Variants in NOL7 observed in about 807,000 individuals in gnomAD.
NOL7 encodes the protein U3 small nucleolar RNA-associated protein NOL7.
Under a neutral mutation model 38.4 loss-of-function variants are expected in NOL7, and 36 were observed. That is an observed-to-expected ratio of 0.94 (90% CI 0.72 to 1.24). NOL7 has a LOEUF of 1.24. NOL7 is among the 50% of genes most tolerant of loss of function. The pLI is 0.00. For synonymous variants in NOL7, 142 were observed against 126.5 expected (o/e 1.12, Z -0.82); for missense variants, 350 against 315.1 (o/e 1.11, Z -0.84).
At chr6:13,627,960 C>T (rs1764666046) in intron 8 of NOL7, among the ~76,000 whole-genome samples, 1 of 152,016 alleles carries the variant, frequency 6.6e-6, no homozygotes, top group Admixed American at 6.6e-5. Context: ...GCACATGTAC[C>T]CTGGAACTTA....
chr6:13,620,857 G>T lies in NOL7; in HGVS notation c.*30G>T, dbSNP rs1348402504. On this transcript the variant is annotated 3_prime_UTR_variant, in exon 8 of 8. Transcript: ENST00000451315. ...ATGCTAAATGAAGAATCTGTACTTTGTATGTATAGAATTTATCTAATAAAT... is the reference window on the plus strand; with the variant it reads ...ATGCTAAATGAAGAATCTGTACTTTTTATGTATAGAATTTATCTAATAAAT... 2 of 1,287,496 alleles carry T rather than the reference G, an allele frequency of 1.6e-6. No individual in the cohort carries two copies. Among genetic ancestry groups the T allele is most frequent in the Non-Finnish European group, 2.2e-6 (2 of 908,756 alleles). The allele number at this position is 1,287,496 out of a possible 1,614,324, so 79.8% of individuals were successfully genotyped here.
In NOL7 at chr6:13,615,391, C is replaced by T. The variant is rs1392836229; in HGVS notation, c.33C>T (p.Ala11=). 3 of 1,527,480 alleles carry T rather than the reference C, an allele frequency of 2.0e-6. No homozygotes were observed. The highest frequency in any genetic ancestry group is 1.4e-5 in the African/African-American group (1 of 72,404). The allele number at this position is 1,527,480 out of a possible 1,614,324, so 94.6% of individuals were successfully genotyped here. MVQLRPRASR[A]PASAEAMVDE... The stretch of plus-strand genomic sequence containing the variant: ...AGCTCCGACCGCGAGCGTCTCGCGC[C>T]CCGGCGTCGGCGGAGGCGATGGTGG... The change falls in exon 1 of 8, where the codon GCC becomes GCT. Residue 11 remains alanine, a synonymous_variant. Coordinates refer to ENST00000451315, the MANE Select transcript of NOL7 (RefSeq NM_016167.5).
At chr6:13,616,027 C>A (rs961157106) in intron 2 of NOL7, among the ~76,000 whole-genome samples, 9 of 151,974 alleles carry the variant, frequency 5.9e-5, no homozygotes, top group Non-Finnish European at 1.3e-4. Context: ...CAGAGCGAGA[C>A]CCTGTCTCAA....
chr6:13,624,404 T>C (rs1764542847), downstream of NOL7, among the ~76,000 whole-genome samples: 1 of 152,158 alleles, frequency 6.6e-6, no homozygotes, highest in Non-Finnish European at 1.5e-5. Context: ...AATATGTGAC[T>C]AAAAGTCCCT....
chr6:13,627,630 C>CAAAAAAAAAAAAAAAA (rs35401168), intron 8 of NOL7, among the ~76,000 whole-genome samples: 14 of 66,400 alleles, frequency 2.1e-4, no homozygotes, highest in East Asian at 1.4e-3. Flanking sequence ...ACTCCATCTC[C>CAAAAAAAAAAAAAAAA]AAAAAAAAAA....
intron 5 of NOL7, 79 bp from the exon 6 acceptor site, chr6:13,620,129 C>T (rs1386680302): frequency 6.9e-6 from 10 of 1,442,822 alleles, no homozygotes; most frequent in Admixed American, 6.8e-5. Context: ...GGTGACAGAG[C>T]GAGACTCTGT....
chr6:13,620,724 A>ATACT lies in NOL7; in HGVS notation c.701-25_701-22dup, dbSNP rs777662381. On this transcript the variant is annotated intron_variant, in intron 7 of 7. Coordinates refer to ENST00000451315, the MANE Select transcript of NOL7 (RefSeq NM_016167.5). The stretch of plus-strand genomic sequence containing the variant: ...AAATTTTGAATTATGTTTTTCTAAT[A>ATACT]TACTTACTGCAGAAAACTTTATATT... 1.2e-5 allele frequency: 17 copies of ATACT among 1,427,290 alleles called. No homozygotes were observed. In the South Asian group the frequency reaches 1.8e-4, roughly 15 times the overall value. 88.4% of individuals were successfully genotyped at this position (1,427,290 alleles called of 1,614,324 possible). A position where few individuals can be genotyped will look rare whatever the true frequency, so the allele number is the denominator to read the frequency against.
In NOL7 at chr6:13,615,367, G is replaced by A. The variant is rs201177610; in HGVS notation, c.9G>A (p.Gln3=). The A allele has an allele frequency of 4.4e-5, 67 of 1,507,914 alleles. No individual in the cohort carries two copies. Among genetic ancestry groups the A allele is most frequent in the Non-Finnish European group, 5.2e-5 (59 of 1,131,166 alleles). The allele number at this position is 1,507,914 out of a possible 1,614,324, so 93.4% of individuals were successfully genotyped here. MV[Q]LRPRASRAPA... is the part of the protein sequence containing the mutation. ...CTAGCGCTGCGTGGGCCATGGTGCAGCTCCGACCGCGAGCGTCTCGCGCCC... is the reference window on the plus strand; with the variant it reads ...CTAGCGCTGCGTGGGCCATGGTGCAACTCCGACCGCGAGCGTCTCGCGCCC... Residue 3 remains glutamine (Q), a synonymous_variant, in exon 1 of 8, where the codon CAG becomes CAA. Transcript: ENST00000451315.
chr6:13,618,000 A>G (rs1212866883), intron 4 of NOL7, 58 bp from the exon 5 acceptor site: 3 of 1,102,546 alleles, frequency 2.7e-6, no homozygotes, highest in Non-Finnish European at 4.1e-6. Context: ...AACTCCAGTA[A>G]ATTTCCTGAT....
At chr6:13,620,136 C>T (rs1764400165) in intron 5 of NOL7, 72 bp from the exon 6 acceptor site, 1 of 1,509,152 alleles carries the variant, frequency 6.6e-7, no homozygotes, top group Non-Finnish European at 8.9e-7. Context: ...GAGCGAGACT[C>T]TGTCTCAGGA....
rs116236572 is a variant in NOL7 at position 13,617,097 on chromosome 6, C to G, written c.386+576C>G. Among the ~76,000 whole-genome samples, 512 of 152,194 alleles carry G rather than the reference C, an allele frequency of 3.4e-3. 6 individuals are homozygous for G. The highest frequency in any genetic ancestry group is 0.017 in the South Asian group (83 of 4,790). On this transcript the variant is annotated intron_variant, in intron 3 of 7. Coordinates refer to ENST00000451315, the MANE Select transcript of NOL7 (RefSeq NM_016167.5). Reference sequence around the variant, plus strand: ...AAATTCAGCCCCCTTTTGCTTAGGCCAGTGACTCTCAAGTTTTCAGTAAAA... The same window carrying G: ...AAATTCAGCCCCCTTTTGCTTAGGCGAGTGACTCTCAAGTTTTCAGTAAAA...
chr6:13,627,648 A>AAAAAAAAAAAAAAAAAAAAC (rs1764651405), intron 8 of NOL7, among the ~76,000 whole-genome samples: 1 of 151,804 alleles, frequency 6.6e-6, no homozygotes, highest in Non-Finnish European at 1.5e-5. Context: ...AAAAAAAAAA[A>AAAAAAAAAAAAAAAAAAAAC]AAAAAATCAC....
intron 8 of NOL7, among the ~76,000 whole-genome samples, chr6:13,629,138 T>C (rs1764705010): frequency 1.3e-5 from 2 of 152,122 alleles, no homozygotes; most frequent in Non-Finnish European, 2.9e-5. Context: ...TGAGACAGGG[T>C]CTTGCTATGT....
At chr6:13,626,745 A>G (rs1764617266) in intron 8 of NOL7, among the ~76,000 whole-genome samples, 1 of 152,204 alleles carries the variant, frequency 6.6e-6, no homozygotes, top group South Asian at 2.1e-4. Flanking sequence ...AATACTGACT[A>G]CTGAAATTCC....
chr6:13,631,541 C>G (rs542270420), intron 8 of NOL7, among the ~76,000 whole-genome samples: 9 of 152,282 alleles, frequency 5.9e-5, no homozygotes, highest in African/African-American at 1.9e-4. Context: ...TCAACCTGTA[C>G]TAACTTTCAG....
At position 13,620,287 on chromosome 6, in the gene NOL7, A is replaced by C. The variant is rs1764405873; in HGVS notation, c.580A>C (p.Ile194Leu). 1.2e-6 allele frequency: 2 copies of C among 1,614,128 alleles called. No individual in the cohort carries two copies. Among genetic ancestry groups the C allele is most frequent in the Non-Finnish European group, 1.7e-6 (2 of 1,180,050 alleles). Residue 194 changes from isoleucine to leucine, a missense_variant, in exon 6 of 8, where the codon ATA becomes CTA. Ile to Leu is a conservative substitution (Grantham distance 5). Transcript: ENST00000451315. Reference sequence around the variant, plus strand: ...AAGGCAACAAGCAGCACAAGCCTTCATACATAATTCATTATATGGGCCAGG... The same window carrying C: ...AAGGCAACAAGCAGCACAAGCCTTCCTACATAATTCATTATATGGGCCAGG... ...DSRQQAAQAF[I>L]HNSLYGPGTN...
At chr6:13,624,758 G>A (rs1469791950), downstream of NOL7, among the ~76,000 whole-genome samples, 2 of 152,112 alleles carry the variant, frequency 1.3e-5, no homozygotes, top group Non-Finnish European at 2.9e-5. Flanking sequence ...GCTAAGCCTC[G>A]CCTTTTAAAT....
At chr6:13,632,464 T>G (rs1187523139) in exon 9 of NOL7, 1 of 1,614,032 alleles carries the variant, frequency 6.2e-7, no homozygotes, top group Non-Finnish European at 8.5e-7. Context: ...GATCATTCTT[T>G]CTATGGCGGC....
chr6:13,626,577 C>A (rs1764612080), downstream of NOL7, among the ~76,000 whole-genome samples: 1 of 152,126 alleles, frequency 6.6e-6, no homozygotes, highest in South Asian at 2.1e-4. Flanking sequence ...TAAATGACGT[C>A]TTATTATTAT....
Sources: allele counts gnomAD v4.1 joint callset (sites outside exome capture counted in the v4.1 genomes callset), GRCh38; gene constraint gnomAD v4.1.1; transcripts MANE v1.5; gene names NCBI Gene and HGNC (gene_info 2026-07-23, HGNC 2026-07-21).